Variants in CACHD1 observed in about 807,000 individuals in gnomAD.
The protein encoded by CACHD1 is VWFA and cache domain-containing protein 1.
Under a neutral mutation model 138.7 loss-of-function variants are expected in CACHD1, and 71 were observed. That is an observed-to-expected ratio of 0.51 (90% CI 0.42 to 0.62). The LOEUF (loss-of-function observed/expected upper bound fraction) is 0.62. Ranked by LOEUF, CACHD1 falls within the 20% of genes least tolerant of loss-of-function variation. The pLI is 0.00. For synonymous variants in CACHD1, 578 were observed against 591.5 expected (o/e 0.98, Z 0.33); for missense variants, 1,389 against 1,625.3 (o/e 0.85, Z 2.50).
chr1:64,672,702 A>C (rs1649855778), intron 17 of CACHD1, among the ~76,000 whole-genome samples: 1 of 152,208 alleles, frequency 6.6e-6, no homozygotes, highest in Admixed American at 6.5e-5. Flanking sequence ...ATTTTTATAC[A>C]TCCCCTGCGT....
intron 1 of CACHD1, among the ~76,000 whole-genome samples, chr1:64,484,625 A>G (rs1391853757): frequency 1.3e-5 from 2 of 152,228 alleles, no homozygotes; most frequent in East Asian, 3.9e-4. Context: ...CCATTGAACA[A>G]TAATGCCCCA....
At chr1:64,668,275 C>T (rs1570467965) in intron 16 of CACHD1, among the ~76,000 whole-genome samples, 2 of 148,776 alleles carry the variant, frequency 1.3e-5, no homozygotes, top group East Asian at 2.0e-4. Context: ...TGCAGTGAGC[C>T]GAGATCGTAC....
At chr1:64,540,226 C>T (rs969383454) in intron 1 of CACHD1, among the ~76,000 whole-genome samples, 4 of 152,106 alleles carry the variant, frequency 2.6e-5, no homozygotes, top group Admixed American at 1.3e-4. Context: ...TATAAAGCAC[C>T]ACCCTCCAAG....
At chr1:64,624,715 C>T (rs1648036978) in intron 4 of CACHD1, among the ~76,000 whole-genome samples, 1 of 152,170 alleles carries the variant, frequency 6.6e-6, no homozygotes, top group South Asian at 2.1e-4. Context: ...AAACAAGCTC[C>T]CTGAGCCTGT....
Position 64,572,173 on chromosome 1 carries a change from C to T in CACHD1, c.262-9983C>T, listed in dbSNP as rs981017189. Among the ~76,000 whole-genome samples the T allele has an allele frequency of 9.2e-5, 14 of 152,242 alleles. No homozygotes were observed. The East Asian group carries it at 1.9e-3, about 21-fold the overall frequency. On this transcript the variant is annotated intron_variant, in intron 2 of 26. Transcript: ENST00000651257. Reference sequence around the variant, plus strand: ...TAATATTCTACACAAAAAGTTGTGACGTAAAATGTTGGAGATTATTCTGTG... The same window carrying T: ...TAATATTCTACACAAAAAGTTGTGATGTAAAATGTTGGAGATTATTCTGTG...
At chr1:64,631,202 G>A (rs1216399224) in intron 5 of CACHD1, among the ~76,000 whole-genome samples, 1 of 152,198 alleles carries the variant, frequency 6.6e-6, no homozygotes, top group Non-Finnish European at 1.5e-5. Context: ...TATGTGAATT[G>A]AATTTTAACA....
In CACHD1 at chr1:64,651,352, T is replaced by A. The variant is rs539145555; in HGVS notation, c.1391-809T>A. On this transcript the variant is annotated intron_variant, in intron 9 of 26. Coordinates refer to ENST00000651257, the MANE Select transcript of CACHD1 (RefSeq NM_020925.4). The stretch of plus-strand genomic sequence containing the variant: ...TGTTCAGATACTGTACCTTTCTAAA[T>A]TTTTTCCCCTTGTTTTCACCTTTTT... Among the ~76,000 whole-genome samples the A allele has an allele frequency of 2.0e-3, 310 of 152,272 alleles. 1 individual carries two copies. The highest frequency in any genetic ancestry group is 7.0e-3 in the African/African-American group (290 of 41,554).
intron 1 of CACHD1, among the ~76,000 whole-genome samples, chr1:64,529,583 A>G (rs1254823869): frequency 6.6e-6 from 1 of 152,174 alleles, no homozygotes; most frequent in Non-Finnish European, 1.5e-5. Flanking sequence ...CACTTACCAT[A>G]TGCTGGCTAC....
intron 1 of CACHD1, among the ~76,000 whole-genome samples, chr1:64,483,157 A>G (rs537846000): frequency 6.6e-6 from 1 of 152,342 alleles, no homozygotes; most frequent in Non-Finnish European, 1.5e-5. Context: ...TATCTGCTAC[A>G]GTATCAAGCA....
intron 1 of CACHD1, among the ~76,000 whole-genome samples, chr1:64,548,717 A>C (rs1370366923): frequency 1.3e-5 from 2 of 152,266 alleles, no homozygotes; most frequent in Non-Finnish European, 2.9e-5. Flanking sequence ...TAAGTGGTTT[A>C]ACAAGGACTA....
At chr1:64,659,348 C>T (rs778309073) in intron 13 of CACHD1, among the ~76,000 whole-genome samples, 6 of 151,998 alleles carry the variant, frequency 3.9e-5, no homozygotes, top group Non-Finnish European at 8.8e-5. Flanking sequence ...GGCACAGATA[C>T]AGCCCATTAA....
rs569903020 is a variant in CACHD1, at chr1:64,659,675, C to A, written c.1951+802C>A. 2.6e-5 allele frequency among the ~76,000 whole-genome samples: 4 copies of A among 152,338 alleles called. No individual in the cohort carries two copies. In the East Asian group the frequency reaches 7.7e-4, roughly 29 times the overall value. On this transcript the variant is annotated intron_variant, in intron 13 of 26. Transcript: ENST00000651257. ...CACCTCTGCTCTGCCATGTGCCAGA[C>A]ACATACTAGGCATTCGTGGTCTATG...
chr1:64,667,188 G>A (rs1289586117), intron 16 of CACHD1, among the ~76,000 whole-genome samples: 1 of 152,158 alleles, frequency 6.6e-6, no homozygotes, highest in African/African-American at 2.4e-5. Context: ...TATACAAATA[G>A]CTATTTTTTC....
chr1:64,516,695 G>A (rs943532197), intron 1 of CACHD1, among the ~76,000 whole-genome samples: 2 of 152,220 alleles, frequency 1.3e-5, no homozygotes, highest in Non-Finnish European at 2.9e-5. Flanking sequence ...AGGGGGAAGA[G>A]TCTGAATCTG....
intron 3 of CACHD1, among the ~76,000 whole-genome samples, chr1:64,589,246 T>C (rs1647077552): frequency 6.6e-6 from 1 of 152,126 alleles, no homozygotes; most frequent in African/African-American, 2.4e-5. Context: ...ACTCATCTCA[T>C]CTTTTAAGAA....
chr1:64,597,893 A>G (rs1647169763), intron 3 of CACHD1, among the ~76,000 whole-genome samples: 3 of 152,186 alleles, frequency 2.0e-5, no homozygotes, highest in Admixed American at 1.3e-4. Context: ...AATAAGTGAC[A>G]TGTTTTTATA....
chr1:64,666,057 G>A lies in CACHD1; in HGVS notation c.2277G>A (p.Trp759Ter). 1 of 1,547,058 alleles carries A rather than the reference G, an allele frequency of 6.5e-7. No individual in the cohort carries two copies. The highest frequency in any genetic ancestry group is 8.9e-7 in the Non-Finnish European group (1 of 1,126,030). The stretch of plus-strand genomic sequence containing the variant: ...CATGACTTTCTTTGGTCTCCATTAG[G>A]TATCTCCATGCAGTAGCTAATCCAG... ...DKAFDPTRRQ[W>*]YLHAVANPGL... Residue 759 changes from tryptophan to a stop codon, truncating the protein, a stop_gained and splice_region_variant, in exon 16 of 27, where the codon TGG (tryptophan) becomes TGA (stop). Coordinates refer to ENST00000651257, the MANE Select transcript of CACHD1 (RefSeq NM_020925.4). LOFTEE classifies it high-confidence loss of function.
At position 64,602,790 on chromosome 1, in the gene CACHD1, T is replaced by A. The variant is rs1229330391; in HGVS notation, c.411-16T>A. On this transcript the variant is annotated splice_polypyrimidine_tract_variant and intron_variant, in intron 3 of 26. Transcript: ENST00000651257. Reference sequence around the variant, plus strand: ...TGGCCTGAATAAGTATTGCTAATTCTCTCCTATTGTTTCAGATTCGATGGG... The same window carrying A: ...TGGCCTGAATAAGTATTGCTAATTCACTCCTATTGTTTCAGATTCGATGGG... 6.4e-7 allele frequency: 1 copy of A among 1,560,242 alleles called. No individual in the cohort carries two copies. Among genetic ancestry groups the A allele is most frequent in the African/African-American group, 1.4e-5 (1 of 73,826 alleles).
At chr1:64,624,597 A>C (rs1475932046) in intron 4 of CACHD1, among the ~76,000 whole-genome samples, 1 of 152,198 alleles carries the variant, frequency 6.6e-6, no homozygotes, top group African/African-American at 2.4e-5. Context: ...GATGTCTCAC[A>C]AAGGGCAAGT....
Sources: gnomAD v4.1 joint callset for allele counts (sites outside exome capture counted in the v4.1 genomes callset) on GRCh38, gnomAD v4.1.1 for gene constraint, MANE v1.5 for transcripts, NCBI Gene and HGNC (gene_info 2026-07-23, HGNC 2026-07-21) for gene names.